Variants in VTI1A observed in about 807,000 individuals in gnomAD.
VTI1A encodes the protein vesicle transport through interaction with t-SNAREs homolog 1A.
In VTI1A, 22 loss-of-function variants were observed where a neutral mutation model predicts 34.9. That is an observed-to-expected ratio of 0.63 (90% CI 0.45 to 0.90). VTI1A has a LOEUF of 0.90. Among genes scored for constraint, VTI1A ranks in the 40% least tolerant of loss-of-function variants. The probability of loss-of-function intolerance (pLI) is 0.00; values close to 1 mark genes in which losing one functional copy is unlikely to be tolerated. For synonymous variants in VTI1A, 87 were observed against 97.3 expected, an observed-to-expected ratio of 0.89 and a Z score of 0.62; for missense variants, 268 against 275.6, an observed-to-expected ratio of 0.97 and a Z score of 0.20.
At chr10:112,682,768 A>G (rs1326037185) in intron 7 of VTI1A, among the ~76,000 whole-genome samples, 1 of 152,186 alleles carries the variant, frequency 6.6e-6, no homozygotes, top group Non-Finnish European at 1.5e-5. Flanking sequence ...TTCCCAAGCT[A>G]TCATGGCCAT....
intron 1 of VTI1A, chr10:112,450,421 G>A (rs1421670110): frequency 6.6e-6 from 1 of 152,196 alleles, no homozygotes; most frequent in Admixed American, 6.5e-5. Flanking sequence ...TCATTGGCGA[G>A]TGCAGTGTTG....
chr10:112,731,005 T>C (rs1181919645), intron 7 of VTI1A, among the ~76,000 whole-genome samples: 1 of 152,180 alleles, frequency 6.6e-6, no homozygotes, highest in Non-Finnish European at 1.5e-5. Flanking sequence ...CATTTGATTA[T>C]ATATATTAAA....
intron 3 of VTI1A, among the ~76,000 whole-genome samples, chr10:112,465,504 A>G (rs1458793251): frequency 1.3e-5 from 2 of 152,248 alleles, no homozygotes; most frequent in Non-Finnish European, 2.9e-5. Context: ...TGGTATATCC[A>G]CACAATGGAA....
At chr10:112,593,773 G>C (rs1754059640) in intron 5 of VTI1A, among the ~76,000 whole-genome samples, 1 of 151,840 alleles carries the variant, frequency 6.6e-6, no homozygotes, top group Non-Finnish European at 1.5e-5. Flanking sequence ...GTCTTGCTCT[G>C]TCACTCAGGC....
chr10:112,593,237 G>C (rs1004605510), intron 5 of VTI1A, among the ~76,000 whole-genome samples: 1 of 152,208 alleles, frequency 6.6e-6, no homozygotes, highest in Non-Finnish European at 1.5e-5. Context: ...ATGCCAGGCC[G>C]ATTGAGTCAG....
chr10:112,659,873 C>G (rs905168287), intron 5 of VTI1A, among the ~76,000 whole-genome samples: 3 of 152,150 alleles, frequency 2.0e-5, no homozygotes, highest in African/African-American at 7.2e-5. Context: ...ATAGTAAATG[C>G]TAATGTCCTC....
At chr10:112,505,942 A>C (rs966150598) in intron 3 of VTI1A, among the ~76,000 whole-genome samples, 2 of 152,190 alleles carry the variant, frequency 1.3e-5, no homozygotes, top group Non-Finnish European at 2.9e-5. Context: ...TCAGCTATCC[A>C]TAGTATAGTA....
chr10:112,584,580 G>A (rs1844076627), intron 5 of VTI1A, among the ~76,000 whole-genome samples: 1 of 152,200 alleles, frequency 6.6e-6, no homozygotes, highest in African/African-American at 2.4e-5. Flanking sequence ...TTCCTCCACA[G>A]CTGACTTGCT....
intron 7 of VTI1A, among the ~76,000 whole-genome samples, chr10:112,730,554 TACA>T (rs1363541959): frequency 6.6e-6 from 1 of 151,556 alleles, no homozygotes; most frequent in African/African-American, 2.4e-5. Context: ...TCCTATGTAT[TACA>T]ACATCTACTT....
intron 5 of VTI1A, among the ~76,000 whole-genome samples, chr10:112,620,577 A>T (rs1251490707): frequency 6.6e-6 from 1 of 152,014 alleles, no homozygotes; most frequent in Admixed American, 6.6e-5. Flanking sequence ...GATGACCTGA[A>T]GTCAGGAGTT....
At chr10:112,587,237 C>G (rs1400661372) in intron 5 of VTI1A, among the ~76,000 whole-genome samples, 1 of 152,098 alleles carries the variant, frequency 6.6e-6, no homozygotes, top group Non-Finnish European at 1.5e-5. Flanking sequence ...TATAAATGTT[C>G]TGAGTAAACA....
chr10:112,533,252 T>G (rs966746669), intron 4 of VTI1A, among the ~76,000 whole-genome samples: 12 of 152,082 alleles, frequency 7.9e-5, no homozygotes, highest in Non-Finnish European at 1.5e-4. Context: ...TCGTTCCCCT[T>G]TATTTCATGA....
Position 112,816,310 on chromosome 10 carries a change from A to G in VTI1A, c.*927A>G, listed in dbSNP as rs775946527. 2 of 217,584 alleles carry G rather than the reference A, an allele frequency of 9.2e-6. No individual in the cohort carries two copies. The highest frequency in any genetic ancestry group is 1.8e-5 in the Non-Finnish European group (2 of 108,144). The allele number at this position is 217,584 out of a possible 1,614,324, so 13.5% of individuals were successfully genotyped here. A position where few individuals can be genotyped will look rare whatever the true frequency, so the allele number is the denominator to read the frequency against. On this transcript the variant is annotated 3_prime_UTR_variant, in exon 8 of 8. Transcript: ENST00000393077. Reference sequence around the variant, plus strand: ...TGAATATTTCAGTAAGAGCAAGAACATGACTCCATCAGTGTGAAATTTCAA... The same window carrying G: ...TGAATATTTCAGTAAGAGCAAGAACGTGACTCCATCAGTGTGAAATTTCAA...
chr10:112,762,619 TA>T (rs1436982621), intron 7 of VTI1A, among the ~76,000 whole-genome samples: 3 of 152,240 alleles, frequency 2.0e-5, no homozygotes, highest in Non-Finnish European at 4.4e-5. Flanking sequence ...ATTTGGCATT[TA>T]AAAAGGACTA....
intron 7 of VTI1A, among the ~76,000 whole-genome samples, chr10:112,729,952 A>G (rs942094526): frequency 4.6e-5 from 7 of 152,220 alleles, no homozygotes; most frequent in Non-Finnish European, 8.8e-5. Flanking sequence ...CCACAGCCAA[A>G]GGCTGGGCAT....
chr10:112,851,878 T>G, the VTI1A span, among the ~76,000 whole-genome samples: 1 of 152,208 alleles, frequency 6.6e-6, no homozygotes, highest in African/African-American at 2.4e-5. Context: ...TCAGTGAAAT[T>G]ACACTGAAAA....
At chr10:112,757,703 A>C (rs1458310570) in intron 7 of VTI1A, among the ~76,000 whole-genome samples, 1 of 151,962 alleles carries the variant, frequency 6.6e-6, no homozygotes, top group African/African-American at 2.4e-5. Flanking sequence ...TTGATTTTTT[A>C]ATGACATTTT....
intron 7 of VTI1A, among the ~76,000 whole-genome samples, chr10:112,794,665 A>T (rs1200417654): frequency 6.6e-6 from 1 of 152,192 alleles, no homozygotes; most frequent in African/African-American, 2.4e-5. Context: ...TCTGTTTTAC[A>T]TTTATATATG....
chr10:112,676,760 C>T (rs1848046223), intron 7 of VTI1A, among the ~76,000 whole-genome samples: 2 of 152,102 alleles, frequency 1.3e-5, no homozygotes, highest in Admixed American at 1.3e-4. Context: ...TTGCATGTGG[C>T]AGAAATGTAG....
Sources: allele counts gnomAD v4.1 joint callset (sites outside exome capture counted in the v4.1 genomes callset), GRCh38; gene constraint gnomAD v4.1.1; transcripts MANE v1.5; gene names NCBI Gene and HGNC (gene_info 2026-07-23, HGNC 2026-07-21).